Variants in FGF14 observed in about 807,000 individuals in gnomAD.
The protein encoded by FGF14 is fibroblast growth factor 14, also known as fibroblast growth factor homologous factor 4.
Under a neutral mutation model 25.5 loss-of-function variants are expected in FGF14, and 5 were observed. The ratio of observed to expected loss-of-function variants is 0.20; its 90% CI spans 0.10 to 0.41. FGF14 has a LOEUF of 0.41. FGF14 is among the 10% of genes least tolerant of loss of function. FGF14 has a pLI of 1.00. For synonymous variants in FGF14, 138 were observed against 118.3 expected, an observed-to-expected ratio of 1.17 and a Z score of -1.08; for missense variants, 222 against 320.1, an observed-to-expected ratio of 0.69 and a Z score of 2.34.
chr13:101,936,768 A>T lies in FGF14; in HGVS notation c.209-61472T>A, dbSNP rs148885983. Among the ~76,000 whole-genome samples, 131 of 152,334 alleles carry T rather than the reference A, an allele frequency of 8.6e-4. 1 individual carries two copies. Among genetic ancestry groups the T allele is most frequent in the African/African-American group, 2.9e-3 (121 of 41,584 alleles). ...TGAGCCCATGGCGTATATTGTCAAT[A>T]ATATGTGCTGAAAGAATAAATGAAG... On this transcript the variant is annotated intron_variant, in intron 1 of 4. Transcript: ENST00000376131.
intron 1 of FGF14, among the ~76,000 whole-genome samples, chr13:102,102,479 G>A (rs1566687212): frequency 6.6e-6 from 1 of 152,196 alleles, no homozygotes; most frequent in Non-Finnish European, 1.5e-5. Context: ...GTAACCAGCA[G>A]AGTTGGGGAG....
chr13:102,214,377 C>A (rs375486893), intron 1 of FGF14, among the ~76,000 whole-genome samples: 5 of 152,186 alleles, frequency 3.3e-5, no homozygotes, highest in African/African-American at 1.2e-4. Context: ...TCTAAACCAT[C>A]ATTTAAGATT....
intron 1 of FGF14, among the ~76,000 whole-genome samples, chr13:101,882,930 T>A (rs960404001): frequency 9.0e-5 from 13 of 145,068 alleles, no homozygotes; most frequent in Non-Finnish European, 1.4e-4. Flanking sequence ...AGTGATAAAA[T>A]TTTTTTTTTA....
intron 1 of FGF14, among the ~76,000 whole-genome samples, chr13:102,168,190 A>C (rs66481448): frequency 0.13 from 20,286 of 152,086 alleles, 1,350 homozygotes; most frequent in Middle Eastern, 0.15. Context: ...ATTAATAGAA[A>C]CCACGTGCTT....
chr13:102,309,429 T>C (rs2055607609), intron 1 of FGF14, among the ~76,000 whole-genome samples: 1 of 152,138 alleles, frequency 6.6e-6, no homozygotes, highest in Non-Finnish European at 1.5e-5. Context: ...TAACCAGCCC[T>C]GGGAAGTGCA....
intron 1 of FGF14, among the ~76,000 whole-genome samples, chr13:102,121,312 G>A (rs757505501): frequency 2.6e-5 from 4 of 152,054 alleles, no homozygotes; most frequent in African/African-American, 7.2e-5. Context: ...CAAAATATTT[G>A]TGTTGGCAAA....
chr13:102,052,650 A>C (rs2140062188), intron 1 of FGF14, among the ~76,000 whole-genome samples: 1 of 152,234 alleles, frequency 6.6e-6, no homozygotes, highest in African/African-American at 2.4e-5. Context: ...TGAAGAAAAA[A>C]AAAACTGTCA....
rs191225213 is a variant in FGF14 at position 101,944,133 on chromosome 13, T to C, written c.209-68837A>G. Among the ~76,000 whole-genome samples, 43 of 152,240 alleles carry C rather than the reference T, an allele frequency of 2.8e-4. No individual in the cohort carries two copies. The Middle Eastern group carries it at 0.014, about 48-fold the overall frequency. On this transcript the variant is annotated intron_variant, in intron 1 of 4. Coordinates refer to the FGF14 transcript ENST00000376131. ...CATATTTTCAAAGACAGTGCCATAC[T>C]GCAGAAAGAGCAGAAGTTTTATGGC...
chr13:102,215,359 T>C (rs2140936399), intron 1 of FGF14, among the ~76,000 whole-genome samples: 1 of 152,356 alleles, frequency 6.6e-6, no homozygotes, highest in South Asian at 2.1e-4. Flanking sequence ...ATTCCAGCTT[T>C]TTAAAAATAA....
At chr13:102,232,043 T>C (rs528367979) in intron 1 of FGF14, among the ~76,000 whole-genome samples, 7 of 152,322 alleles carry the variant, frequency 4.6e-5, no homozygotes, top group Admixed American at 1.3e-4. Context: ...TATTTTTATT[T>C]TTTCTAATCC....
At chr13:102,185,252 A>G (rs1269148371) in intron 1 of FGF14, among the ~76,000 whole-genome samples, 2 of 152,158 alleles carry the variant, frequency 1.3e-5, no homozygotes, top group African/African-American at 4.8e-5. Flanking sequence ...AACAAAAGAT[A>G]AAAAGGAATT....
At chr13:101,913,148 G>T (rs2033122066) in intron 1 of FGF14, among the ~76,000 whole-genome samples, 1 of 152,186 alleles carries the variant, frequency 6.6e-6, no homozygotes, top group South Asian at 2.1e-4. Flanking sequence ...TTCAACAGGT[G>T]AATGTAGAAG....
chr13:102,050,633 T>G lies in FGF14; in HGVS notation c.209-175337A>C, dbSNP rs139706874. Among the ~76,000 whole-genome samples the G allele has an allele frequency of 1.0e-3, 156 of 152,246 alleles. 4 individuals carry two copies. The highest frequency in any genetic ancestry group is 3.6e-3 in the African/African-American group (149 of 41,540). On this transcript the variant is annotated intron_variant, in intron 1 of 4. Transcript: ENST00000376131. ...CCAAGTCACCAAGATGTCACCAAGATGATGTCACAAATATGGCAGAGTAAG... is the reference window on the plus strand; with the variant it reads ...CCAAGTCACCAAGATGTCACCAAGAGGATGTCACAAATATGGCAGAGTAAG...
At chr13:102,006,266 A>G (rs2039779198) in intron 1 of FGF14, among the ~76,000 whole-genome samples, 1 of 152,228 alleles carries the variant, frequency 6.6e-6, no homozygotes, top group Non-Finnish European at 1.5e-5. Flanking sequence ...CAAAAAACTT[A>G]TTTGTGAACT....
intron 3 of FGF14, among the ~76,000 whole-genome samples, chr13:101,840,901 G>T (rs942132456): frequency 7.2e-5 from 11 of 151,982 alleles, no homozygotes; most frequent in Non-Finnish European, 2.9e-5. Flanking sequence ...CTGGTACAAA[G>T]ATGCCATTAT....
At chr13:102,030,724 G>A (rs1180596567) in intron 1 of FGF14, among the ~76,000 whole-genome samples, 1 of 151,964 alleles carries the variant, frequency 6.6e-6, no homozygotes, top group East Asian at 1.9e-4. Flanking sequence ...AGGGACTTCG[G>A]GGAAGCCTAG....
At chr13:102,303,283 A>C (rs1216899439) in intron 1 of FGF14, among the ~76,000 whole-genome samples, 1 of 152,188 alleles carries the variant, frequency 6.6e-6, no homozygotes, top group Non-Finnish European at 1.5e-5. Context: ...CATCTGCTCC[A>C]CAGTGAAAGC....
In FGF14 at chr13:102,087,703, C is replaced by T. The variant is rs139580061; in HGVS notation, c.209-212407G>A. ...CCTCCCAAAGTGCTGGGATTACAGG[C>T]GTGAGCCACCGCGCCCAGCCCAGAC... On this transcript the variant is annotated intron_variant, in intron 1 of 4. Transcript: ENST00000376131. Among the ~76,000 whole-genome samples the T allele has an allele frequency of 3.8e-3, 567 of 151,146 alleles. 8 individuals carry two copies. In the South Asian group the frequency reaches 0.047, roughly 13 times the overall value.
In FGF14 at chr13:101,736,722, C is replaced by A. The variant is rs950277964; in HGVS notation, c.409-9912G>T. Among the ~76,000 whole-genome samples, 7 of 152,158 alleles carry A rather than the reference C, an allele frequency of 4.6e-5. No individual in the cohort carries two copies. The East Asian group carries it at 7.8e-4, about 17-fold the overall frequency. On this transcript the variant is annotated intron_variant, in intron 3 of 4. Transcript: ENST00000376143. ...TATGAGGCAACCAGTATGCTAAAGG[C>A]TTTGCATACATTACCTCATTGCATT...
Sources: gnomAD v4.1 joint callset for allele counts (sites outside exome capture counted in the v4.1 genomes callset) on GRCh38, gnomAD v4.1.1 for gene constraint, MANE v1.5 for transcripts, NCBI Gene and HGNC (gene_info 2026-07-23, HGNC 2026-07-21) for gene names.